Variants in TRMT9B observed in about 807,000 individuals in gnomAD.
The protein encoded by TRMT9B is tRNA methyltransferase 9B (putative), also known as probable tRNA methyltransferase 9B.
Under a neutral mutation model 11.5 loss-of-function variants are expected in TRMT9B, and 16 were observed. That is an observed-to-expected ratio of 1.39 (90% confidence interval 0.94 to 2.11). The LOEUF is 2.11. TRMT9B is among the 30% of genes most tolerant of loss of function. TRMT9B has a pLI of 0.00. For missense variants in TRMT9B, 941 were observed against 553.8 expected (o/e 1.70, Z -7.02); for synonymous variants, 274 against 192.4 (o/e 1.42, Z -3.51).
chr8:13,019,938 G>A (rs962540594), intron 4 of TRMT9B, among the ~76,000 whole-genome samples: 5 of 152,200 alleles, frequency 3.3e-5, no homozygotes, highest in African/African-American at 1.2e-4. Context: ...CAAGGTTTGT[G>A]TGCTGTTGAT....
intron 3 of TRMT9B, chr8:13,011,275 C>G: frequency 1.0e-6 from 1 of 984,646 alleles, no homozygotes; most frequent in Non-Finnish European, 1.2e-6. Flanking sequence ...CATGAGCCAC[C>G]GCGCCAGACC....
intron 1 of TRMT9B, among the ~76,000 whole-genome samples, chr8:12,964,361 A>T (rs545258847): frequency 2.6e-5 from 4 of 152,328 alleles, no homozygotes; most frequent in African/African-American, 9.6e-5. Context: ...GAAATGTGTG[A>T]TAGCCACTCA....
chr8:12,948,618 GA>G, intron 1 of TRMT9B, among the ~76,000 whole-genome samples: 1 of 150,812 alleles, frequency 6.6e-6, no homozygotes, highest in Non-Finnish European at 1.5e-5. Context: ...TAATGATAAA[GA>G]AACTTAGTTA....
intron 1 of TRMT9B, among the ~76,000 whole-genome samples, chr8:12,947,299 G>T (rs1385621000): frequency 6.6e-6 from 1 of 152,176 alleles, no homozygotes; most frequent in Non-Finnish European, 1.5e-5. Flanking sequence ...GCTCACCCGG[G>T]TCTACCATTC....
At chr8:12,987,487 T>A (rs1054637029) in intron 1 of TRMT9B, among the ~76,000 whole-genome samples, 1 of 151,966 alleles carries the variant, frequency 6.6e-6, no homozygotes, top group African/African-American at 2.4e-5. Flanking sequence ...GCCCAGGAGT[T>A]TGAGACCAGC....
chr8:12,964,365 C>A (rs879797978), intron 1 of TRMT9B, among the ~76,000 whole-genome samples: 6 of 152,144 alleles, frequency 3.9e-5, no homozygotes, highest in Non-Finnish European at 8.8e-5. Flanking sequence ...TGTGTGATAG[C>A]CACTCACCAG....
At chr8:12,956,994 T>C (rs921655994) in intron 1 of TRMT9B, among the ~76,000 whole-genome samples, 1 of 152,196 alleles carries the variant, frequency 6.6e-6, no homozygotes, top group Admixed American at 6.5e-5. Context: ...ACCTCTGATA[T>C]TTGGAGTTGG....
At chr8:12,992,250 C>G (rs1219703540) in intron 2 of TRMT9B, among the ~76,000 whole-genome samples, 2 of 152,166 alleles carry the variant, frequency 1.3e-5, no homozygotes, top group African/African-American at 4.8e-5. Flanking sequence ...ATTTCCATCT[C>G]TGCCGTCCAA....
intron 1 of TRMT9B, among the ~76,000 whole-genome samples, chr8:12,963,587 A>G (rs1204609458): frequency 6.6e-6 from 1 of 152,094 alleles, no homozygotes; most frequent in Non-Finnish European, 1.5e-5. Flanking sequence ...CCGTCTCTAC[A>G]AAAACAAAAA....
In TRMT9B at chr8:13,026,446, G is replaced by A. The variant is rs1252242122; in HGVS notation, c.*4402G>A. 5 of 166,468 alleles carry A rather than the reference G, an allele frequency of 3.0e-5. No individual in the cohort carries two copies. The highest frequency in any genetic ancestry group is 7.3e-5 in the Non-Finnish European group (5 of 68,156). The allele number at this position is 166,468 out of a possible 1,614,324, so 10.3% of individuals were successfully genotyped here. ...TGTATATAGATTATAAATATATAAG[G>A]GGGAAAGGGGTGGGGGGGAGGGGTT... On this transcript the variant is annotated 3_prime_UTR_variant, in exon 5 of 5. Transcript: ENST00000524591.
In TRMT9B at chr8:12,990,385, A is replaced by C. The variant is rs530491050; in HGVS notation, c.-199-449A>C. On this transcript the variant is annotated intron_variant, in intron 1 of 4. Transcript: ENST00000524591. Reference sequence around the variant, plus strand: ...TCATAACAAACTCTTATGAAGAAGAAAAATGTGAACAATGATGAATAACTA... The same window carrying C: ...TCATAACAAACTCTTATGAAGAAGACAAATGTGAACAATGATGAATAACTA... 9.9e-4 allele frequency among the ~76,000 whole-genome samples: 151 copies of C among 152,330 alleles called. 1 individual carries two copies. Among genetic ancestry groups the C allele is most frequent in the Non-Finnish European group, 1.2e-4 (8 of 68,026 alleles).
intron 3 of TRMT9B, chr8:13,011,265 C>T: frequency 1.0e-6 from 1 of 979,682 alleles, no homozygotes; most frequent in Non-Finnish European, 1.2e-6. Flanking sequence ...GGATTATAGG[C>T]ATGAGCCACC....
At chr8:13,010,956 T>A (rs1464266490) in intron 3 of TRMT9B, 9 of 902,266 alleles carry the variant, frequency 1.0e-5, no homozygotes, top group Admixed American at 6.2e-5. Flanking sequence ...TGGTCACATT[T>A]ACGTAGAAAT....
chr8:13,022,098 G>T lies in TRMT9B; in HGVS notation c.*54G>T. 1.6e-6 allele frequency: 2 copies of T among 1,259,814 alleles called. No individual in the cohort carries two copies. The highest frequency in any genetic ancestry group is 2.4e-5 in the East Asian group (1 of 41,526). 78.0% of individuals were successfully genotyped at this position (1,259,814 alleles called of 1,614,324 possible). ...AGATGAACCACATTCTTTCCTCTTG[G>T]TTTGATATGGTTACCTGAATTTGCA... On this transcript the variant is annotated 3_prime_UTR_variant, in exon 5 of 5. Transcript: ENST00000524591.
chr8:13,016,097 T>C (rs1348955980), intron 4 of TRMT9B, among the ~76,000 whole-genome samples: 1 of 144,360 alleles, frequency 6.9e-6, no homozygotes, highest in Admixed American at 7.0e-5. Flanking sequence ...CATATGGGTA[T>C]ATATATATGA....
rs1351603677 is a variant in TRMT9B at position 13,029,751 on chromosome 8, A to T, written c.*7707A>T. 6.6e-6 allele frequency: 1 copy of T among 152,638 alleles called. No individual in the cohort carries two copies. Among genetic ancestry groups the T allele is most frequent in the Non-Finnish European group, 1.5e-5 (1 of 68,040 alleles). The allele number at this position is 152,638 out of a possible 1,614,324, so 9.5% of individuals were successfully genotyped here. A position where few individuals can be genotyped will look rare whatever the true frequency, so the allele number is the denominator to read the frequency against. ...GACCAAAAAGACATATTTTGAGATT[A>T]ATAAAGATGTATTAGATTATCCAAA... is the stretch of plus-strand genomic sequence containing the variant. On this transcript the variant is annotated 3_prime_UTR_variant, in exon 5 of 5. Coordinates refer to ENST00000524591, the MANE Select transcript of TRMT9B (RefSeq NM_020844.3).
chr8:12,982,701 T>G (rs1805615292), intron 1 of TRMT9B, among the ~76,000 whole-genome samples: 1 of 152,140 alleles, frequency 6.6e-6, no homozygotes, highest in African/African-American at 2.4e-5. Context: ...TTTAGTTTAT[T>G]TTTTTAGTAC....
In TRMT9B at chr8:13,022,677, A is replaced by G. The variant is rs926319744; in HGVS notation, c.*633A>G. 4.2e-5 allele frequency: 7 copies of G among 167,122 alleles called. No individual in the cohort carries two copies. Among genetic ancestry groups the G allele is most frequent in the Non-Finnish European group, 8.8e-5 (6 of 68,142 alleles). The allele number at this position is 167,122 out of a possible 1,614,324, so 10.4% of individuals were successfully genotyped here. A position where few individuals can be genotyped will look rare whatever the true frequency, so the allele number is the denominator to read the frequency against. ...TTGACATGTGATAATAAGGTTTTCA[A>G]TGTAGCCCAGGAGGTTTTTAAAGGC... On this transcript the variant is annotated 3_prime_UTR_variant, in exon 5 of 5. Coordinates refer to ENST00000524591, the MANE Select transcript of TRMT9B (RefSeq NM_020844.3).
intron 3 of TRMT9B, among the ~76,000 whole-genome samples, chr8:13,009,844 A>C (rs1811256771): frequency 6.6e-6 from 1 of 152,158 alleles, no homozygotes; most frequent in African/African-American, 2.4e-5. Context: ...TACACTACAG[A>C]TAGGCCAGGC....
Sources: allele counts gnomAD v4.1 joint callset (sites outside exome capture counted in the v4.1 genomes callset), GRCh38; gene constraint gnomAD v4.1.1; transcripts MANE v1.5; gene names NCBI Gene and HGNC (gene_info 2026-07-23, HGNC 2026-07-21).